Variants in SLX4 observed in about 807,000 individuals in gnomAD.
The protein encoded by SLX4 is SLX4 structure-specific endonuclease subunit.
In SLX4, 112 loss-of-function variants were observed where a neutral mutation model predicts 146.2. The ratio of observed to expected loss-of-function variants is 0.77; its 90% CI spans 0.66 to 0.90. The LOEUF (loss-of-function observed/expected upper bound fraction) is 0.90, where lower values mean the gene tolerates loss of function less well. Ranked by LOEUF, SLX4 falls within the 40% of genes least tolerant of loss-of-function variation. The pLI, the probability that SLX4 is intolerant of heterozygous loss-of-function variation, is 0.00. For synonymous variants in SLX4, 1,061 were observed against 997.7 expected, an observed-to-expected ratio of 1.06 and a Z score of -1.20; for missense variants, 2,563 against 2,392.7, an observed-to-expected ratio of 1.07 and a Z score of -1.49.
chr16:3,595,510 T>C (rs1207067755), intron 9 of SLX4, 95 bp downstream of exon 9: 9 of 1,394,414 alleles, frequency 6.5e-6, no homozygotes, highest in African/African-American at 4.3e-5. Flanking sequence ...TGCACTTGCG[T>C]TGGGGGCCAG....
rs975925673 is a variant in SLX4 at position 3,599,782 on chromosome 16, T to G, written c.1163+1197A>C. Among the ~76,000 whole-genome samples, 3 of 152,038 alleles carry G rather than the reference T, an allele frequency of 2.0e-5. 1 individual carries two copies. The highest frequency in any genetic ancestry group is 6.6e-5 in the Admixed American group (1 of 15,260). The stretch of plus-strand genomic sequence containing the variant: ...TTTAATTTTTTGTAGTGATGGGTCT[T>G]GCTATGTAGTCCAGGCTGGCCTTGA... On this transcript the variant is annotated intron_variant, in intron 5 of 14. Coordinates refer to ENST00000294008, the MANE Select transcript of SLX4 (RefSeq NM_032444.4).
chr16:3,597,425 T>C lies in SLX4; in HGVS notation c.1637A>G (p.Tyr546Cys), dbSNP rs150547487. Reference protein sequence around the residue: ...LTGAWAMEDFYTARLVPPLVP... With the variant: ...LTGAWAMEDFCTARLVPPLVP... ...GAGAGGAGGGACCAGCCTGGCCGTG[T>C]AGAAGTCCTCCATGGCCCAGGCCCC... The change falls in exon 7 of 15, where the codon TAC becomes TGC. Residue 546 changes from tyrosine (Y) to cysteine (C), a missense_variant. Physicochemically the swap from Tyr to Cys is radical, Grantham distance 194 (BLOSUM62 -2). Transcript: ENST00000294008. The surrounding 1 kb of genome is among the most constrained non-coding windows in gnomAD (Gnocchi z 4.4). 1,267 of 1,606,860 alleles carry C rather than the reference T, an allele frequency of 7.9e-4. 6 individuals carry two copies. In the African/African-American group the frequency reaches 0.015, roughly 18 times the overall value.
chr16:3,594,263 T>G (rs1567172211), intron 10 of SLX4, among the ~76,000 whole-genome samples, 190 bp downstream of exon 10: 1 of 152,074 alleles, frequency 6.6e-6, no homozygotes, highest in Non-Finnish European at 1.5e-5. Context: ...GCGTGGGTCT[T>G]TATCTCTTCT....
intron 11 of SLX4, among the ~76,000 whole-genome samples, chr16:3,592,453 G>A (rs1436076617): frequency 6.6e-6 from 1 of 152,202 alleles, no homozygotes; most frequent in Non-Finnish European, 1.5e-5. Context: ...AAAAACCACG[G>A]GACTCAATAG....
In SLX4 at chr16:3,583,639, T is replaced by C. The variant is rs376684534; in HGVS notation, c.4740-129A>G. 58 of 962,842 alleles carry C rather than the reference T, an allele frequency of 6.0e-5. No individual in the cohort carries two copies. In the East Asian group the frequency reaches 9.2e-4, roughly 15 times the overall value. The allele number at this position is 962,842 out of a possible 1,614,324, so 59.6% of individuals were successfully genotyped here. ...GCTTGTGTGACAAACCATAGATGCC[T>C]GACTTCTGTGAGCATCAGAGGTTAG... On this transcript the variant is annotated intron_variant, in intron 13 of 14. Transcript: ENST00000294008.
At chr16:3,594,352 G>A (rs912239307) in intron 10 of SLX4, 101 bp downstream of exon 10, 1 of 1,491,524 alleles carries the variant, frequency 6.7e-7, no homozygotes, top group Non-Finnish European at 9.1e-7. Context: ...GAGTGGGGGG[G>A]TGGAAAGGGC....
At chr16:3,593,305 C>A (rs574338302) in intron 10 of SLX4, among the ~76,000 whole-genome samples, 1 of 152,180 alleles carries the variant, frequency 6.6e-6, no homozygotes, top group African/African-American at 2.4e-5. Flanking sequence ...AACTCCTGAC[C>A]TCAGGTGATC....
intron 7 of SLX4, 78 bp from the exon 8 acceptor site, chr16:3,596,471 T>A: frequency 6.8e-7 from 1 of 1,472,914 alleles, no homozygotes; most frequent in East Asian, 2.4e-5. Flanking sequence ...TCACATGTGG[T>A]ATGCACGGCT....
rs1468118062 is a variant in SLX4, at chr16:3,595,504, C to A, written c.2013+101G>T. 2.2e-6 allele frequency: 3 copies of A among 1,348,736 alleles called. No individual in the cohort carries two copies. The South Asian group carries it at 3.6e-5, about 16-fold the overall frequency. The allele number at this position is 1,348,736 out of a possible 1,614,324, so 83.5% of individuals were successfully genotyped here. A position where few individuals can be genotyped will look rare whatever the true frequency, so the allele number is the denominator to read the frequency against. On this transcript the variant is annotated intron_variant, in intron 9 of 14. Coordinates refer to ENST00000294008, the MANE Select transcript of SLX4 (RefSeq NM_032444.4). ...GCAGAGGCCTTGAGAGGCCACTGCACTTGCGTTGGGGGCCAGAGGCCAGCG... is the reference window on the plus strand; with the variant it reads ...GCAGAGGCCTTGAGAGGCCACTGCAATTGCGTTGGGGGCCAGAGGCCAGCG...
In SLX4 at chr16:3,610,892, G is replaced by A. The variant is rs118021500; in HGVS notation, c.-603+668C>T. Among the ~76,000 whole-genome samples, 1,811 of 152,340 alleles carry A rather than the reference G, an allele frequency of 0.012. 58 individuals are homozygous for A. The South Asian group carries it at 0.12, about 10-fold the overall frequency. On this transcript the variant is annotated intron_variant, in intron 1 of 14. Transcript: ENST00000294008. ...GAGAGGAAAGGATTGGCTCACAAGG[G>A]CCTGGAAGGTCAGGCTAGGCAAAGT...
chr16:3,604,773 T>C (rs2151136601), intron 3 of SLX4, among the ~76,000 whole-genome samples: 1 of 149,866 alleles, frequency 6.7e-6, no homozygotes, highest in Non-Finnish European at 1.5e-5. Flanking sequence ...TGAGCCGAGA[T>C]TGCGCCACTG....
At position 3,590,084 on chromosome 16, in the gene SLX4, C is replaced by G; in HGVS notation, c.3554G>C (p.Ser1185Thr). 1 of 1,614,202 alleles carries G rather than the reference C, an allele frequency of 6.2e-7. No individual in the cohort carries two copies. The highest frequency in any genetic ancestry group is 1.3e-5 in the African/African-American group (1 of 75,048). The change falls in exon 12 of 15, where the codon AGC becomes ACC. Residue 1185 changes from serine to threonine, a missense_variant. Ser to Thr is a moderately conservative substitution (Grantham distance 58). Transcript: ENST00000294008. The surrounding 1 kb of genome is among the most constrained non-coding windows in gnomAD (Gnocchi z 4.8). ...PLEEKKALEI[S>T]PRSCELFSII... The stretch of plus-strand genomic sequence containing the variant: ...GGAAAACAGCTCACAGGACCTAGGG[C>G]TAATTTCTAGAGCTTTCTTTTCTTC...
In SLX4 at chr16:3,590,012, C is replaced by G. The variant is rs768028392; in HGVS notation, c.3626G>C (p.Arg1209Thr). The change falls in exon 12 of 15, where the codon AGA becomes ACA. Residue 1209 changes from arginine to threonine, a missense_variant. Transcript: ENST00000294008. This position sits in a 1 kb window ranked among gnomAD's most constrained non-coding sequence, Gnocchi z 4.8. ...ADQEPSQSPPRSEAVLQQEDE... is the reference protein window; with the variant it reads ...ADQEPSQSPPTSEAVLQQEDE... The stretch of plus-strand genomic sequence containing the variant: ...CTCCTGCTGCAGCACAGCTTCGCTT[C>G]TTGGTGGGCTCTGGGAAGGTTCCTG... The G allele has an allele frequency of 1.2e-6, 2 of 1,614,028 alleles. No individual in the cohort carries two copies. The highest frequency in any genetic ancestry group is 2.7e-5 in the African/African-American group (2 of 74,904).
intron 10 of SLX4, 50 bp from the exon 11 acceptor site, chr16:3,592,915 T>C: frequency 6.4e-7 from 1 of 1,573,468 alleles, no homozygotes. Flanking sequence ...GAGTTGTAAC[T>C]TGGAGCAAAG....
At chr16:3,594,631 T>C (rs912763765) in intron 9 of SLX4, 32 bp from the exon 10 acceptor site, 5 of 1,613,400 alleles carry the variant, frequency 3.1e-6, no homozygotes, top group Non-Finnish European at 2.5e-6. Flanking sequence ...AGCCGTCACC[T>C]CCCCACCTCT....
chr16:3,596,508 G>A, intron 7 of SLX4, 115 bp from the exon 8 acceptor site: 1 of 1,296,510 alleles, frequency 7.7e-7, no homozygotes, highest in African/African-American at 1.5e-5. Flanking sequence ...AGCAGGATGT[G>A]GGCTGTGGGG....
chr16:3,589,955 G>A lies in SLX4; in HGVS notation c.3683C>T (p.Ser1228Phe). ...CCAGGGAGCCCCTCTCCTGCCCAAAGAGCCCCGATTCTCCGGCAGCGCCCC... is the reference window on the plus strand; with the variant it reads ...CCAGGGAGCCCCTCTCCTGCCCAAAAAGCCCCGATTCTCCGGCAGCGCCCC... ...DEGALPENRG[S>F]LGRRGAPWLF... The change falls in exon 12 of 15, where the codon TCT (serine) becomes TTT (phenylalanine). Residue 1228 changes from serine (S) to phenylalanine (F), a missense_variant. Ser to Phe is a radical substitution (Grantham distance 155). Coordinates refer to ENST00000294008, the MANE Select transcript of SLX4 (RefSeq NM_032444.4). The surrounding 1 kb of genome is among the most constrained non-coding windows in gnomAD (Gnocchi z 6.2). 2 of 1,613,856 alleles carry A rather than the reference G, an allele frequency of 1.2e-6. No individual in the cohort carries two copies. The highest frequency in any genetic ancestry group is 1.7e-6 in the Non-Finnish European group (2 of 1,179,988).
intron 10 of SLX4, among the ~76,000 whole-genome samples, 163 bp downstream of exon 10, chr16:3,594,290 C>T (rs938414179): frequency 3.3e-5 from 5 of 151,806 alleles, no homozygotes; most frequent in East Asian, 3.9e-4. Flanking sequence ...GTTGCAGAAA[C>T]GGATGGTTGG....
rs2151122225 is a variant in SLX4 at position 3,589,598 on chromosome 16, T to G, written c.4040A>C (p.His1347Pro). Residue 1347 changes from histidine to proline, a missense_variant, in exon 12 of 15, where the codon CAC becomes CCC. Coordinates refer to ENST00000294008, the MANE Select transcript of SLX4 (RefSeq NM_032444.4). This position sits in a 1 kb window ranked among gnomAD's most constrained non-coding sequence, Gnocchi z 6.2. Reference sequence around the variant, plus strand: ...AGAGGAGTGCGGGTGGCCCCCGGGGTGGGGACGGGAAGGGCTTCTGTGGCC... The same window carrying G: ...AGAGGAGTGCGGGTGGCCCCCGGGGGGGGGACGGGAAGGGCTTCTGTGGCC... ...RQGHRSPSRPHPGGHPHSSPL... is the reference protein window; with the variant it reads ...RQGHRSPSRPPPGGHPHSSPL... 1.2e-6 allele frequency: 2 copies of G among 1,613,120 alleles called. No homozygotes were observed. Among genetic ancestry groups the G allele is most frequent in the Non-Finnish European group, 8.5e-7 (1 of 1,179,842 alleles).
Sources: gnomAD v4.1 joint callset for allele counts (sites outside exome capture counted in the v4.1 genomes callset) on GRCh38, gnomAD v4.1.1 for gene constraint, Gnocchi (gnomAD v3.1) non-coding constraint, MANE v1.5 for transcripts, NCBI Gene and HGNC (gene_info 2026-07-23, HGNC 2026-07-21) for gene names.